The following ZNF438 variants were observed in gnomAD, a reference collection of about 807,000 sequenced individuals.
ZNF438 encodes zinc finger protein 438.
In ZNF438, 25 loss-of-function variants were observed where a neutral mutation model predicts 38.0. That is an observed-to-expected ratio of 0.66 (90% CI 0.48 to 0.92). ZNF438 has a LOEUF of 0.92. Among genes scored for constraint, ZNF438 ranks in the 40% least tolerant of loss-of-function variants. ZNF438 has a pLI of 0.00. For missense variants in ZNF438, 1,007 were observed against 999.6 expected (o/e 1.01, Z -0.10); for synonymous variants, 372 against 364.1 (o/e 1.02, Z -0.25).
chr10:30,875,277 T>G, intron 4 of ZNF438: 1 of 985,468 alleles, frequency 1.0e-6, no homozygotes, highest in Non-Finnish European at 1.2e-6. Flanking sequence ...GCTTTCTCCC[T>G]CTGTATCAGC....
chr10:30,876,646 A>G (rs2038469871), intron 4 of ZNF438, among the ~76,000 whole-genome samples: 3 of 152,190 alleles, frequency 2.0e-5, no homozygotes, highest in Admixed American at 6.5e-5. Flanking sequence ...TCTACTCACT[A>G]AAATACTTGT....
chr10:30,870,748 G>A (rs986888303), intron 4 of ZNF438, among the ~76,000 whole-genome samples: 2 of 152,076 alleles, frequency 1.3e-5, no homozygotes, highest in African/African-American at 2.4e-5. Flanking sequence ...CTTGAATATC[G>A]CCTAGGAACA....
intron 3 of ZNF438, among the ~76,000 whole-genome samples, chr10:30,901,194 G>A (rs138476167): frequency 1.0e-3 from 154 of 152,252 alleles, no homozygotes; most frequent in African/African-American, 3.2e-3. Context: ...GATCTTTAGC[G>A]GTCAGTTGGT....
At chr10:30,923,898 A>T (rs1306957454) in intron 2 of ZNF438, among the ~76,000 whole-genome samples, 1 of 152,200 alleles carries the variant, frequency 6.6e-6, no homozygotes, top group East Asian at 1.9e-4. Context: ...AAAATCTGTT[A>T]GGGATTTGAT....
chr10:30,930,302 G>A (rs371982797), intron 2 of ZNF438, among the ~76,000 whole-genome samples: 15 of 152,224 alleles, frequency 9.9e-5, no homozygotes, highest in East Asian at 3.9e-4. Context: ...TGCACCCTCC[G>A]CAGCTGTTGG....
chr10:30,850,255 C>T, exon 5 of ZNF438: 3 of 1,614,186 alleles, frequency 1.9e-6, no homozygotes, highest in Non-Finnish European at 2.5e-6. Flanking sequence ...GACATGGCAG[C>T]ATTCTGGACG....
chr10:30,844,825 T>C (rs2031489912), exon 6 of ZNF438: 4 of 1,111,660 alleles, frequency 3.6e-6, no homozygotes, highest in Admixed American at 2.4e-5. Context: ...AATAAAACCA[T>C]GTACAAAAAT....
At chr10:30,867,983 A>G (rs1207387739) in intron 4 of ZNF438, among the ~76,000 whole-genome samples, 1 of 152,152 alleles carries the variant, frequency 6.6e-6, no homozygotes, top group East Asian at 1.9e-4. Flanking sequence ...AATGACATTT[A>G]TATTTTTCCC....
At chr10:30,936,461 G>T (rs567123050) in intron 2 of ZNF438, among the ~76,000 whole-genome samples, 1 of 152,074 alleles carries the variant, frequency 6.6e-6, no homozygotes, top group African/African-American at 2.4e-5. Flanking sequence ...ATCACCTGAG[G>T]TCAGGAGTTC....
intron 4 of ZNF438, among the ~76,000 whole-genome samples, chr10:30,856,607 C>A (rs78030491): frequency 2.0e-5 from 3 of 152,278 alleles, no homozygotes; most frequent in African/African-American, 7.2e-5. Context: ...ACAGATCTTA[C>A]AGAACTGTGC....
chr10:30,875,648 G>A, intron 4 of ZNF438: 1 of 929,480 alleles, frequency 1.1e-6, no homozygotes, highest in Non-Finnish European at 1.3e-6. Context: ...TTCTAGTTGG[G>A]GTTTGCCCAT....
At chr10:30,949,147 A>T (rs1397724816) in intron 1 of ZNF438, among the ~76,000 whole-genome samples, 2 of 152,094 alleles carry the variant, frequency 1.3e-5, no homozygotes, top group African/African-American at 4.8e-5. Context: ...ATCCAGCCAA[A>T]CTAAGCTTCA....
At chr10:30,892,724 G>T (rs1056318102) in intron 3 of ZNF438, among the ~76,000 whole-genome samples, 3 of 152,124 alleles carry the variant, frequency 2.0e-5, no homozygotes, top group Non-Finnish European at 4.4e-5. Context: ...TTCAGAAATG[G>T]TTTTATGTTT....
chr10:30,931,396 A>C (rs1326567212), intron 2 of ZNF438, among the ~76,000 whole-genome samples: 1 of 152,218 alleles, frequency 6.6e-6, no homozygotes, highest in Non-Finnish European at 1.5e-5. Context: ...AACTGGTTTG[A>C]GCTGGCTTTC....
intron 1 of ZNF438, among the ~76,000 whole-genome samples, chr10:31,031,180 T>C (rs1437430595): frequency 6.6e-6 from 1 of 152,208 alleles, no homozygotes; most frequent in Non-Finnish European, 1.5e-5. Context: ...CCTGGTCAAA[T>C]AGCCAGTGGC....
At chr10:30,913,091 C>G (rs909546293) in intron 2 of ZNF438, among the ~76,000 whole-genome samples, 1 of 152,072 alleles carries the variant, frequency 6.6e-6, no homozygotes, top group African/African-American at 2.4e-5. Context: ...TGTAACCAGT[C>G]GAGACACTTC....
In ZNF438 at chr10:30,934,840, T is replaced by C. The variant is rs552585546; in HGVS notation, c.-115+6735A>G. Among the ~76,000 whole-genome samples, 3 of 152,336 alleles carry C rather than the reference T, an allele frequency of 2.0e-5. No homozygotes were observed. In the South Asian group the frequency reaches 6.2e-4, roughly 32 times the overall value. Reference sequence around the variant, plus strand: ...CTTCTGGCAAGTGAAAACAGGTACTTGATATGTTGCCAGGACATTATCTAC... The same window carrying C: ...CTTCTGGCAAGTGAAAACAGGTACTCGATATGTTGCCAGGACATTATCTAC... On this transcript the variant is annotated intron_variant, in intron 2 of 5. Transcript: ENST00000413025.
At chr10:30,911,955 C>T (rs2994627) in intron 2 of ZNF438, among the ~76,000 whole-genome samples, 52,958 of 151,914 alleles carry the variant, frequency 0.35, 10,768 homozygotes, top group African/African-American at 0.56. Flanking sequence ...CATTCTCTCC[C>T]ATTTTCCCAA....
chr10:30,850,349 G>A (rs2033357308), exon 5 of ZNF438: 10 of 1,612,120 alleles, frequency 6.2e-6, no homozygotes, highest in African/African-American at 1.3e-5. Flanking sequence ...TATTGTTCCA[G>A]AAGGGATGTT....
Sources: gnomAD v4.1 joint callset for allele counts (sites outside exome capture counted in the v4.1 genomes callset) on GRCh38, gnomAD v4.1.1 for gene constraint, MANE v1.5 for transcripts, NCBI Gene and HGNC (gene_info 2026-07-23, HGNC 2026-07-21) for gene names.